The following EPHA6 variants were observed in gnomAD, a reference collection of about 807,000 sequenced individuals.
EPHA6 encodes ephrin type-A receptor 6.
In EPHA6, 50 loss-of-function variants were observed where a neutral mutation model predicts 112.0. That is an observed-to-expected ratio of 0.45 (90% CI 0.36 to 0.56). EPHA6 has a LOEUF of 0.56. EPHA6 is among the 20% of genes least tolerant of loss of function. The probability of loss-of-function intolerance (pLI) is 0.00; values close to 1 mark genes in which losing one functional copy is unlikely to be tolerated. For synonymous variants in EPHA6, 529 were observed against 490.7 expected, an observed-to-expected ratio of 1.08 and a Z score of -1.03; for missense variants, 1,280 against 1,417.4, an observed-to-expected ratio of 0.90 and a Z score of 1.56.
intron 1 of EPHA6, among the ~76,000 whole-genome samples, chr3:96,847,025 T>G (rs2035111341): frequency 6.6e-6 from 1 of 152,044 alleles, no homozygotes; most frequent in South Asian, 2.1e-4. Context: ...CTGGTTGAGC[T>G]CTATTAGGGT....
intron 6 of EPHA6, among the ~76,000 whole-genome samples, chr3:97,427,118 G>A (rs1371552859): frequency 6.6e-6 from 1 of 152,160 alleles, no homozygotes; most frequent in Non-Finnish European, 1.5e-5. Flanking sequence ...AGTTACACCT[G>A]TGGAAAGCAC....
intron 2 of EPHA6, among the ~76,000 whole-genome samples, chr3:96,898,936 G>A (rs1256031232): frequency 2.0e-5 from 3 of 151,630 alleles, no homozygotes; most frequent in African/African-American, 4.8e-5. Context: ...GCTGAGGCAG[G>A]AGAATGGCGT....
chr3:97,574,665 G>A (rs2093366126), intron 11 of EPHA6, among the ~76,000 whole-genome samples: 1 of 152,006 alleles, frequency 6.6e-6, no homozygotes, highest in Admixed American at 6.6e-5. Context: ...ATTATATAAT[G>A]AATTCTTACA....
chr3:96,825,371 A>G (rs1332107734), intron 1 of EPHA6, among the ~76,000 whole-genome samples: 1 of 151,696 alleles, frequency 6.6e-6, no homozygotes, highest in African/African-American at 2.4e-5. Flanking sequence ...TAGATTCTGT[A>G]TGCTTTTGTT....
intron 5 of EPHA6, among the ~76,000 whole-genome samples, chr3:97,284,954 T>C (rs2080416668): frequency 6.6e-6 from 1 of 152,130 alleles, no homozygotes; most frequent in Non-Finnish European, 1.5e-5. Context: ...TTTAACATTT[T>C]TCTGGTTTAT....
At chr3:96,941,108 T>C (rs1325403286) in intron 2 of EPHA6, among the ~76,000 whole-genome samples, 3 of 152,190 alleles carry the variant, frequency 2.0e-5, no homozygotes, top group Admixed American at 2.0e-4. Flanking sequence ...AGTATCTTTG[T>C]GGCATTCTCT....
At chr3:97,352,153 A>G (rs1265431900) in intron 5 of EPHA6, among the ~76,000 whole-genome samples, 1 of 152,158 alleles carries the variant, frequency 6.6e-6, no homozygotes, top group Non-Finnish European at 1.5e-5. Context: ...AAAACAGAAC[A>G]AAAGGATATT....
At chr3:96,883,429 G>A (rs1241659607) in intron 2 of EPHA6, among the ~76,000 whole-genome samples, 1 of 152,076 alleles carries the variant, frequency 6.6e-6, no homozygotes, top group African/African-American at 2.4e-5. Flanking sequence ...TTAGGTCCCA[G>A]CTATTTATCT....
intron 1 of EPHA6, among the ~76,000 whole-genome samples, chr3:96,865,749 A>G (rs1208757888): frequency 6.6e-6 from 1 of 151,870 alleles, no homozygotes; most frequent in African/African-American, 2.4e-5. Flanking sequence ...AACAAGATGA[A>G]AAACCAAAAT....
chr3:97,196,318 G>A (rs1455795702), intron 3 of EPHA6, among the ~76,000 whole-genome samples: 1 of 151,600 alleles, frequency 6.6e-6, no homozygotes, highest in African/African-American at 2.4e-5. Flanking sequence ...AAGAACTTCT[G>A]CTTGATTTTT....
chr3:97,084,045 G>A (rs1222805470), intron 3 of EPHA6, among the ~76,000 whole-genome samples: 2 of 144,846 alleles, frequency 1.4e-5, no homozygotes, highest in African/African-American at 2.6e-5. Flanking sequence ...GTTTGGATAG[G>A]GGTGGTACAT....
intron 11 of EPHA6, among the ~76,000 whole-genome samples, chr3:97,591,067 T>C (rs1420111434): frequency 6.6e-6 from 1 of 152,162 alleles, no homozygotes; most frequent in East Asian, 1.9e-4. Context: ...TCTCTTAATG[T>C]TTAAGGGACT....
chr3:97,256,320 A>C (rs1353038980), intron 5 of EPHA6, among the ~76,000 whole-genome samples: 2 of 152,050 alleles, frequency 1.3e-5, no homozygotes, highest in Non-Finnish European at 2.9e-5. Context: ...CTTTTTAACC[A>C]ATTATGGTTC....
chr3:97,182,302 CT>C (rs1225720954), intron 3 of EPHA6, among the ~76,000 whole-genome samples: 4 of 149,418 alleles, frequency 2.7e-5, no homozygotes, highest in African/African-American at 9.8e-5. Context: ...AGAATGTTGA[CT>C]TTTATCCACA....
At chr3:97,284,038 C>G (rs1039761444) in intron 5 of EPHA6, among the ~76,000 whole-genome samples, 1 of 152,086 alleles carries the variant, frequency 6.6e-6, no homozygotes, top group Non-Finnish European at 1.5e-5. Flanking sequence ...CTGCTGTGCA[C>G]ATTTCTGTTA....
At chr3:97,597,894 C>T (rs1349870747) in intron 12 of EPHA6, among the ~76,000 whole-genome samples, 1 of 152,026 alleles carries the variant, frequency 6.6e-6, no homozygotes, top group African/African-American at 2.4e-5. Flanking sequence ...AGTTTTGATG[C>T]ATATAGAGGA....
intron 14 of EPHA6, among the ~76,000 whole-genome samples, chr3:97,654,683 G>C (rs2107616510): frequency 6.6e-6 from 1 of 151,964 alleles, no homozygotes; most frequent in African/African-American, 2.4e-5. Flanking sequence ...TAGCTCCTAA[G>C]ATGAGAACAA....
intron 16 of EPHA6, among the ~76,000 whole-genome samples, chr3:97,736,468 A>AGTGTGTGTGTGT (rs1174431228): frequency 1.8e-5 from 2 of 109,542 alleles, no homozygotes; most frequent in African/African-American, 7.4e-5. Context: ...AGAGAGAGAG[A>AGTGTGTGTGTGT]GAGTGTGTGT....
At chr3:97,515,241 AT>A (rs1245239015) in intron 10 of EPHA6, among the ~76,000 whole-genome samples, 1 of 152,182 alleles carries the variant, frequency 6.6e-6, no homozygotes, top group Non-Finnish European at 1.5e-5. Flanking sequence ...AGATGGTTGA[AT>A]TTGTTTTAGG....
Sources: allele counts gnomAD v4.1 joint callset (sites outside exome capture counted in the v4.1 genomes callset), GRCh38; gene constraint gnomAD v4.1.1; transcripts MANE v1.5; gene names NCBI Gene and HGNC (gene_info 2026-07-23, HGNC 2026-07-21).